The following CA10 variants were observed in gnomAD, a reference collection of about 807,000 sequenced individuals.
CA10 encodes the protein carbonic anhydrase-related protein 10.
A neutral mutation model predicts 44.2 loss-of-function variants in CA10; 14 were observed. The ratio of observed to expected loss-of-function variants is 0.32; its 90% confidence interval spans 0.21 to 0.50. The LOEUF (loss-of-function observed/expected upper bound fraction) is 0.50. Among genes scored for constraint, CA10 ranks in the 20% least tolerant of loss-of-function variants. The pLI is 0.99. For synonymous variants in CA10, 159 were observed against 141.6 expected (o/e 1.12, Z -0.87); for missense variants, 350 against 409.7 (o/e 0.85, Z 1.26).
intron 3 of CA10, among the ~76,000 whole-genome samples, chr17:51,879,336 C>A (rs1196980637): frequency 1.3e-5 from 2 of 152,128 alleles, no homozygotes; most frequent in Non-Finnish European, 2.9e-5. Context: ...GCTGCATAAG[C>A]CTTTAAAATG....
At chr17:51,912,868 C>G (rs1981845037) in intron 3 of CA10, among the ~76,000 whole-genome samples, 2 of 152,176 alleles carry the variant, frequency 1.3e-5, no homozygotes, top group South Asian at 4.1e-4. Flanking sequence ...AAATATCCAT[C>G]TAAAACTCAA....
intron 4 of CA10, among the ~76,000 whole-genome samples, chr17:51,717,827 G>GTATATATATA (rs1268095043): frequency 1.9e-4 from 2 of 10,348 alleles, no homozygotes; most frequent in Non-Finnish European, 3.5e-4. Flanking sequence ...ATATATGTGT[G>GTATATATATA]TGTATATATA....
chr17:51,828,571 A>G (rs1409664163), intron 3 of CA10, among the ~76,000 whole-genome samples: 2 of 152,170 alleles, frequency 1.3e-5, no homozygotes, highest in African/African-American at 4.8e-5. Flanking sequence ...GACTTATTAT[A>G]GCCAAAATAA....
chr17:51,820,184 C>T (rs1195226367), intron 3 of CA10, among the ~76,000 whole-genome samples: 6 of 61,042 alleles, frequency 9.8e-5, no homozygotes, highest in Non-Finnish European at 1.9e-4. Context: ...ACCTGAGCGC[C>T]GCCCCCCCCC....
At chr17:51,843,462 C>G (rs1002821689) in intron 3 of CA10, among the ~76,000 whole-genome samples, 3 of 152,182 alleles carry the variant, frequency 2.0e-5, no homozygotes, top group African/African-American at 7.2e-5. Context: ...AAATTTTAGA[C>G]CTCTGCTACA....
At chr17:52,092,241 T>C (rs1323799768) in intron 1 of CA10, among the ~76,000 whole-genome samples, 1 of 152,190 alleles carries the variant, frequency 6.6e-6, no homozygotes, top group African/African-American at 2.4e-5. Context: ...AATTTTTTCT[T>C]AAAAGGGAAG....
chr17:51,649,119 C>T (rs918560943), intron 6 of CA10, 63 bp downstream of exon 6: 66 of 1,216,586 alleles, frequency 5.4e-5, no homozygotes, highest in Admixed American at 2.4e-4. Flanking sequence ...TCTGGCTTCC[C>T]GCCTTCAGGC....
At chr17:51,730,245 G>C (rs1039296952) in intron 4 of CA10, among the ~76,000 whole-genome samples, 2 of 152,272 alleles carry the variant, frequency 1.3e-5, no homozygotes, top group Non-Finnish European at 2.9e-5. Flanking sequence ...CACACAGTAG[G>C]AACTCAAATA....
At chr17:51,901,867 A>G (rs1001704457) in intron 3 of CA10, among the ~76,000 whole-genome samples, 1 of 152,150 alleles carries the variant, frequency 6.6e-6, no homozygotes. Context: ...TACAAAGCTA[A>G]GTTATAAAGT....
chr17:52,056,322 G>A (rs1462379697), intron 2 of CA10, among the ~76,000 whole-genome samples: 2 of 152,012 alleles, frequency 1.3e-5, no homozygotes, highest in Non-Finnish European at 2.9e-5. Context: ...TTTGGAATTG[G>A]AATGCAAAAA....
chr17:51,682,798 G>T (rs1914887641), intron 4 of CA10, among the ~76,000 whole-genome samples: 1 of 132,336 alleles, frequency 7.6e-6, no homozygotes, highest in African/African-American at 2.6e-5. Flanking sequence ...TAAACGTGGG[G>T]CAAAGAAGGG....
At chr17:51,641,885 G>A (rs1597956737) in intron 6 of CA10, among the ~76,000 whole-genome samples, 1 of 152,004 alleles carries the variant, frequency 6.6e-6, no homozygotes, top group South Asian at 2.1e-4. Context: ...CCGGCTTCCT[G>A]CTTATGAAGT....
rs750891133 is a variant in CA10, at chr17:51,706,033, T to C, written c.465+41600A>G. ...GTGTAGCGCAGTGGTTGAGGGAATGTCAGACAGGTCTGGTTGAAGTCATAG... is the reference window on the plus strand; with the variant it reads ...GTGTAGCGCAGTGGTTGAGGGAATGCCAGACAGGTCTGGTTGAAGTCATAG... On this transcript the variant is annotated intron_variant, in intron 4 of 8. Transcript: ENST00000451037. Among the ~76,000 whole-genome samples, 63 of 152,334 alleles carry C rather than the reference T, an allele frequency of 4.1e-4. 1 individual carries two copies. Among genetic ancestry groups the C allele is most frequent in the Middle Eastern group, 6.8e-3 (2 of 294 alleles).
At chr17:52,106,521 C>T (rs974954197) in intron 1 of CA10, among the ~76,000 whole-genome samples, 2 of 152,108 alleles carry the variant, frequency 1.3e-5, no homozygotes, top group Non-Finnish European at 2.9e-5. Flanking sequence ...GCTATAAGTG[C>T]TACAAAAACA....
intron 3 of CA10, among the ~76,000 whole-genome samples, chr17:51,826,247 C>T (rs1041077919): frequency 1.6e-4 from 24 of 152,182 alleles, no homozygotes; most frequent in African/African-American, 4.8e-4. Context: ...ATGACAACGT[C>T]CTTTCATGGA....
intron 8 of CA10, 145 bp from the exon 9 acceptor site, chr17:51,631,751 CTACTCCCTTCCAAT>C: frequency 1.4e-6 from 1 of 700,900 alleles, no homozygotes. Context: ...TGCATTCCAA[CTACTCCCTTCCAAT>C]TCTCCATGAC....
At chr17:51,783,774 G>A (rs1444185725) in intron 3 of CA10, among the ~76,000 whole-genome samples, 1 of 152,150 alleles carries the variant, frequency 6.6e-6, no homozygotes, top group Non-Finnish European at 1.5e-5. Context: ...AGAAGAGGGT[G>A]GGCTCTGTTA....
intron 1 of CA10, among the ~76,000 whole-genome samples, chr17:52,093,159 C>A (rs1446009066): frequency 6.6e-6 from 1 of 151,678 alleles, no homozygotes; most frequent in East Asian, 1.9e-4. Context: ...TGTACACATA[C>A]ATATATCAGG....
chr17:51,925,554 C>CATAG (rs1310952455), intron 3 of CA10, among the ~76,000 whole-genome samples: 1 of 151,866 alleles, frequency 6.6e-6, no homozygotes, highest in Non-Finnish European at 1.5e-5. Flanking sequence ...AAAAGTTAAA[C>CATAG]ATAGATATGC....
Sources: gnomAD v4.1 joint callset for allele counts (sites outside exome capture counted in the v4.1 genomes callset) on GRCh38, gnomAD v4.1.1 for gene constraint, MANE v1.5 for transcripts, NCBI Gene and HGNC (gene_info 2026-07-23, HGNC 2026-07-21) for gene names.